Variants in AKR1B15 observed in about 807,000 individuals in gnomAD.
AKR1B15 encodes the protein estradiol 17-beta-dehydrogenase AKR1B15.
Under a neutral mutation model 38.5 loss-of-function variants are expected in AKR1B15, and 49 were observed. The ratio of observed to expected loss-of-function variants is 1.27; its 90% CI spans 1.01 to 1.62. The LOEUF (loss-of-function observed/expected upper bound fraction) is 1.62, where lower values mean the gene tolerates loss of function less well. AKR1B15 is among the 40% of genes most tolerant of loss of function. AKR1B15 has a pLI of 0.00. For synonymous variants in AKR1B15, 137 were observed against 135.5 expected (o/e 1.01, Z -0.08); for missense variants, 411 against 381.6 (o/e 1.08, Z -0.64).
Position 134,579,532 on chromosome 7 carries a change from T to A in AKR1B15, c.1018T>A (p.Phe340Ile), listed in dbSNP as rs767395993. Residue 340 changes from phenylalanine to isoleucine, a missense_variant, in exon 12 of 12, where the codon TTC becomes ATC. By Grantham distance (21) the Phe-to-Ile change is conservative. This residue lies in a region of AKR1B15 where 133 missense variants were observed against 120.3 expected (regional missense o/e 1.11). Coordinates refer to ENST00000457545, the MANE Select transcript of AKR1B15 (RefSeq NM_001080538.3). ...ATTCTCTCATTTGGAGGACTTTCCC[T>A]TCGATGCAGAATATTGAGGTTGAAT... is the stretch of plus-strand genomic sequence containing the variant. ...KEFSHLEDFP[F>I]DAEY 5.0e-6 allele frequency: 8 copies of A among 1,600,838 alleles called. No homozygotes were observed. In the Admixed American group the frequency reaches 1.4e-4, roughly 27 times the overall value.
intron 1 of AKR1B15, among the ~76,000 whole-genome samples, chr7:134,553,223 G>T (rs1345981000): frequency 6.6e-6 from 1 of 152,120 alleles, no homozygotes; most frequent in Non-Finnish European, 1.5e-5. Flanking sequence ...AGATATTGGG[G>T]TTCATGGAAA....
intron 4 of AKR1B15, among the ~76,000 whole-genome samples, chr7:134,568,621 C>T (rs116582598): frequency 0.011 from 1,734 of 152,212 alleles, 42 homozygotes; most frequent in African/African-American, 0.04. Flanking sequence ...AGTCACAGGC[C>T]AAGGGTGCAG....
intron 1 of AKR1B15, among the ~76,000 whole-genome samples, chr7:134,549,541 C>T (rs1793892747): frequency 6.6e-6 from 1 of 152,120 alleles, no homozygotes; most frequent in Non-Finnish European, 1.5e-5. Flanking sequence ...TTTGTAGCTC[C>T]AGGGTGAAAG....
At chr7:134,557,846 G>A (rs563093133) in intron 2 of AKR1B15, among the ~76,000 whole-genome samples, 1 of 152,290 alleles carries the variant, frequency 6.6e-6, no homozygotes, top group South Asian at 2.1e-4. Context: ...AAGGATCACT[G>A]AATTAGTCTC....
Position 134,579,501 on chromosome 7 carries a change from C to G in AKR1B15, c.993-6C>G. ...AGTTTCTTTTTTTTTTTCTCTCTCT[C>G]TGTAGATTCTCTCATTTGGAGGACT... On this transcript the variant is annotated splice_region_variant and splice_polypyrimidine_tract_variant and intron_variant, in intron 11 of 11. Transcript: ENST00000457545. The G allele has an allele frequency of 6.3e-7, 1 of 1,583,706 alleles. No individual in the cohort carries two copies. The highest frequency in any genetic ancestry group is 8.6e-7 in the Non-Finnish European group (1 of 1,166,150).
At chr7:134,553,694 T>C (rs1175835716) in intron 1 of AKR1B15, among the ~76,000 whole-genome samples, 2 of 152,220 alleles carry the variant, frequency 1.3e-5, no homozygotes, top group Non-Finnish European at 2.9e-5. Flanking sequence ...TAACTTTCTC[T>C]CCCACAAGGT....
rs397801689 is a variant in AKR1B15, at chr7:134,576,355, A to G, written c.750A>G (p.Lys250=). ...PLGSPDRPWA[K]PEDPSLLEDP... Reference sequence around the variant, plus strand: ...AGCATCTTTCTGCCCCTAGGGCCAAACCTGAGGACCCTTCCCTGCTGGAGG... The same window carrying G: ...AGCATCTTTCTGCCCCTAGGGCCAAGCCTGAGGACCCTTCCCTGCTGGAGG... Residue 250 remains lysine (K), a synonymous_variant, in exon 9 of 12, where the codon AAA becomes AAG. Coordinates refer to ENST00000457545, the MANE Select transcript of AKR1B15 (RefSeq NM_001080538.3). The G allele has an allele frequency of 1.2e-5, 19 of 1,613,938 alleles. No homozygotes were observed. The Admixed American group carries it at 1.7e-4, about 14-fold the overall frequency.
At position 134,568,245 on chromosome 7, in the gene AKR1B15, C is replaced by T. The variant is rs377496966; in HGVS notation, c.238C>T (p.Gln80Ter). Residue 80 changes from glutamine (Q) to a stop codon, truncating the protein, a stop_gained, in exon 4 of 12, where the codon CAA becomes TAA. Transcript: ENST00000457545. LOFTEE classifies it high-confidence loss of function. The stretch of plus-strand genomic sequence containing the variant: ...TGACTGTGCCTATTTCTATGAGAAT[C>T]AACATGAGGTGGGAGAAGCCATCCA... ...HIDCAYFYENQHEVGEAIQEK... is the reference protein window; with the variant it reads ...HIDCAYFYEN 3.1e-6 allele frequency: 5 copies of T among 1,613,958 alleles called. No individual in the cohort carries two copies. Among genetic ancestry groups the T allele is most frequent in the East Asian group, 2.2e-5 (1 of 44,874 alleles).
intron 4 of AKR1B15, 87 bp from the exon 5 acceptor site, chr7:134,569,326 G>C: frequency 6.7e-7 from 1 of 1,499,250 alleles, no homozygotes; most frequent in South Asian, 1.1e-5. Flanking sequence ...GGTTAGATGA[G>C]GATGCAAATC....
At chr7:134,552,471 A>G (rs1439467103) in intron 1 of AKR1B15, among the ~76,000 whole-genome samples, 1 of 152,100 alleles carries the variant, frequency 6.6e-6, no homozygotes, top group Admixed American at 6.5e-5. Flanking sequence ...ACAATATCCT[A>G]TGATTCTGTG....
At chr7:134,566,509 A>C (rs1562948581) in intron 3 of AKR1B15, among the ~76,000 whole-genome samples, 1 of 152,204 alleles carries the variant, frequency 6.6e-6, no homozygotes, top group Admixed American at 6.5e-5. Flanking sequence ...TTGAGGACTC[A>C]GTGAGGCAGG....
At chr7:134,575,635 C>A (rs1240328442) in intron 7 of AKR1B15, 93 bp downstream of exon 7, 1 of 1,584,810 alleles carries the variant, frequency 6.3e-7, no homozygotes, top group Non-Finnish European at 8.6e-7. Flanking sequence ...TGAGTCTTAT[C>A]TCAGGGGTCA....
intron 6 of AKR1B15, among the ~76,000 whole-genome samples, chr7:134,575,090 T>C (rs1794735055): frequency 6.6e-6 from 1 of 152,358 alleles, no homozygotes; most frequent in South Asian, 2.1e-4. Context: ...TGTTGATTTT[T>C]ATTTATTTTT....
intron 1 of AKR1B15, among the ~76,000 whole-genome samples, chr7:134,550,689 C>T (rs760060486): frequency 2.0e-5 from 3 of 152,150 alleles, no homozygotes; most frequent in African/African-American, 7.2e-5. Flanking sequence ...TTGTTCAAAC[C>T]TTGTTAATTG....
At chr7:134,551,274 C>T (rs1793966144) in intron 1 of AKR1B15, among the ~76,000 whole-genome samples, 1 of 152,178 alleles carries the variant, frequency 6.6e-6, no homozygotes, top group South Asian at 2.1e-4. Flanking sequence ...TGGCCCCGCT[C>T]CTCCCACTGA....
chr7:134,567,997 AAG>A (rs1249710939), intron 3 of AKR1B15, among the ~76,000 whole-genome samples, 159 bp from the exon 4 acceptor site: 2 of 152,108 alleles, frequency 1.3e-5, no homozygotes, highest in African/African-American at 4.8e-5. Context: ...GTCTGGGGAT[AAG>A]AGAATATGGT....
chr7:134,569,158 T>G (rs1465960356), intron 4 of AKR1B15, among the ~76,000 whole-genome samples: 1 of 152,182 alleles, frequency 6.6e-6, no homozygotes, highest in Non-Finnish European at 1.5e-5. Flanking sequence ...TGTGGCCACA[T>G]TTACTTAAAT....
chr7:134,578,426 A>G (rs1464528340), intron 11 of AKR1B15, among the ~76,000 whole-genome samples: 1 of 152,206 alleles, frequency 6.6e-6, no homozygotes, highest in Non-Finnish European at 1.5e-5. Flanking sequence ...TCAAGCAAGA[A>G]GGCCAGGGAG....
intron 1 of AKR1B15, among the ~76,000 whole-genome samples, chr7:134,552,659 T>G (rs1055227112): frequency 6.6e-6 from 1 of 152,190 alleles, no homozygotes; most frequent in African/African-American, 2.4e-5. Flanking sequence ...TCCATCCAAC[T>G]GTCTCTAACC....
Sources: allele counts gnomAD v4.1 joint callset (sites outside exome capture counted in the v4.1 genomes callset), GRCh38; gene constraint gnomAD v4.1.1; regional missense constraint gnomAD v4.1.1; transcripts MANE v1.5; gene names NCBI Gene and HGNC (gene_info 2026-07-23, HGNC 2026-07-21).